The following MLYCD variants were observed in gnomAD, a reference collection of about 807,000 sequenced individuals.
MLYCD encodes malonyl-CoA decarboxylase, mitochondrial.
MLYCD carries 27 observed loss-of-function variants against 35.8 expected under a neutral mutation model. That is an observed-to-expected ratio of 0.75 (90% CI 0.56 to 1.04). MLYCD has a LOEUF of 1.04. Ranked by LOEUF, MLYCD falls within the 50% of genes least tolerant of loss-of-function variation. The pLI is 0.00. For missense variants in MLYCD, 917 were observed against 665.1 expected, an observed-to-expected ratio of 1.38 and a Z score of -4.17; for synonymous variants, 403 against 302.4, an observed-to-expected ratio of 1.33 and a Z score of -3.45.
chr16:83,914,525 CGGTT>C, intron 4 of MLYCD: 1 of 292,046 alleles, frequency 3.4e-6, no homozygotes, highest in Non-Finnish European at 6.7e-6. Flanking sequence ...ACTCTAGTCT[CGGTT>C]TTGCCGACAT....
chr16:83,899,264 G>A lies in MLYCD; in HGVS notation c.120G>A (p.Met40Ile). The change falls in exon 1 of 5, where the codon ATG becomes ATA. Residue 40 changes from methionine to isoleucine, a missense_variant. Coordinates refer to ENST00000262430, the MANE Select transcript of MLYCD (RefSeq NM_012213.3). ...CGGCCGGCGCCCTGGAGCGGGCCAT[G>A]GACGAGCTGCTGCGCCGCGCGGTGC... The part of the protein sequence containing the change: ...GQAAGALERA[M>I]DELLRRAVPP... 2 of 1,449,164 alleles carry A rather than the reference G, an allele frequency of 1.4e-6. No homozygotes were observed. Among genetic ancestry groups the A allele is most frequent in the Non-Finnish European group, 1.8e-6 (2 of 1,104,908 alleles). 89.8% of individuals were successfully genotyped at this position (1,449,164 alleles called of 1,614,324 possible). A position where few individuals can be genotyped will look rare whatever the true frequency, so the allele number is the denominator to read the frequency against.
rs894995223 is a variant in MLYCD, at chr16:83,923,073, G to C, written c.*7584G>C. ...CACTCTGAGGCCTCTCTGTCTCTCT[G>C]TGTCTTTCTCTTTCTACCCTCTCCA... On this transcript the variant is annotated 3_prime_UTR_variant, in exon 5 of 5. Coordinates refer to ENST00000262430, the MANE Select transcript of MLYCD (RefSeq NM_012213.3). 6.6e-6 allele frequency: 1 copy of C among 152,262 alleles called. No homozygotes were observed. The highest frequency in any genetic ancestry group is 6.5e-5 in the Admixed American group (1 of 15,278). 9.4% of individuals were successfully genotyped at this position (152,262 alleles called of 1,614,324 possible). A position where few individuals can be genotyped will look rare whatever the true frequency, so the allele number is the denominator to read the frequency against.
intron 1 of MLYCD, among the ~76,000 whole-genome samples, 196 bp downstream of exon 1, chr16:83,899,868 G>T (rs1906721943): frequency 6.6e-6 from 1 of 152,164 alleles, no homozygotes; most frequent in Non-Finnish European, 1.5e-5. Context: ...GCACACCCCC[G>T]CCTTCCTCCA....
rs104894528 is a variant in MLYCD, at chr16:83,907,018, C to T, written c.560C>T (p.Ser187Leu). The stretch of plus-strand genomic sequence containing the variant: ...AATGGGGTGCTGAAAGGAATGCTCT[C>T]AGAATGGTTTTCCTCCGGGTTCCTG... ...EMNGVLKGML[S>L]EWFSSGFLNL... The change falls in exon 2 of 5, where the codon TCA becomes TTA. Residue 187 changes from serine (S) to leucine (L), a missense_variant. Coordinates refer to ENST00000262430, the MANE Select transcript of MLYCD (RefSeq NM_012213.3). 1.2e-6 allele frequency: 2 copies of T among 1,614,146 alleles called. No individual in the cohort carries two copies. The highest frequency in any genetic ancestry group is 2.2e-5 in the South Asian group (2 of 91,078).
At chr16:83,905,661 C>T (rs915638092) in intron 1 of MLYCD, among the ~76,000 whole-genome samples, 1 of 152,228 alleles carries the variant, frequency 6.6e-6, no homozygotes, top group Non-Finnish European at 1.5e-5. Flanking sequence ...CAAGGGCCTG[C>T]TCCTGCTGTC....
In MLYCD at chr16:83,915,623, C is replaced by T; in HGVS notation, c.*134C>T. ...CTGTGTTCTTGTCCCGCAGCCGGTC[C>T]ACACTGTGAGGCCAGGCCTCAACTT... is the stretch of plus-strand genomic sequence containing the variant. On this transcript the variant is annotated 3_prime_UTR_variant, in exon 5 of 5. Coordinates refer to ENST00000262430, the MANE Select transcript of MLYCD (RefSeq NM_012213.3). The T allele has an allele frequency of 1.3e-6, 2 of 1,526,636 alleles. No homozygotes were observed. Among genetic ancestry groups the T allele is most frequent in the Non-Finnish European group, 1.8e-6 (2 of 1,142,078 alleles). The allele number at this position is 1,526,636 out of a possible 1,614,324, so 94.6% of individuals were successfully genotyped here. A position where few individuals can be genotyped will look rare whatever the true frequency, so the allele number is the denominator to read the frequency against.
rs998205793 is a variant in MLYCD, at chr16:83,924,443, C to A, written c.*8954C>A. On this transcript the variant is annotated 3_prime_UTR_variant, in exon 5 of 5. Transcript: ENST00000262430. The stretch of plus-strand genomic sequence containing the variant: ...GCAGGAGCGCTTGCTTCTGAAGCTC[C>A]CGTGCGTCTGTGACAGAGGCTTGAA... 6.6e-6 allele frequency: 1 copy of A among 152,194 alleles called. No individual in the cohort carries two copies. The allele number at this position is 152,194 out of a possible 1,614,324, so 9.4% of individuals were successfully genotyped here.
chr16:83,904,228 G>A (rs376180794), intron 1 of MLYCD, among the ~76,000 whole-genome samples: 24 of 152,156 alleles, frequency 1.6e-4, no homozygotes, highest in African/African-American at 4.6e-4. Context: ...TACCTCTTAC[G>A]CAGAGCTCAG....
chr16:83,912,880 C>G (rs1463370996), intron 4 of MLYCD: 1 of 200,198 alleles, frequency 5.0e-6, no homozygotes, highest in Non-Finnish European at 1.0e-5. Flanking sequence ...AAGGTAAATG[C>G]ATCGGCTTTT....
chr16:83,916,049 AG>A lies in MLYCD; in HGVS notation c.*561del. On this transcript the variant is annotated 3_prime_UTR_variant, in exon 5 of 5. Coordinates refer to ENST00000262430, the MANE Select transcript of MLYCD (RefSeq NM_012213.3). ...TTGTGATTTTGCACAAGGTGTGTGT[AG>A]TAAGTTAAATTGTTGAACACAAAAA... The A allele has an allele frequency of 4.0e-6, 4 of 1,000,842 alleles. No individual in the cohort carries two copies. The highest frequency in any genetic ancestry group is 4.8e-6 in the Non-Finnish European group (4 of 837,626). 62.0% of individuals were successfully genotyped at this position (1,000,842 alleles called of 1,614,324 possible). A position where few individuals can be genotyped will look rare whatever the true frequency, so the allele number is the denominator to read the frequency against.
rs1375643849 is a variant in MLYCD, at chr16:83,922,455, C to T, written c.*6966C>T. The T allele has an allele frequency of 6.6e-6, 1 of 152,294 alleles. No individual in the cohort carries two copies. The highest frequency in any genetic ancestry group is 1.5e-5 in the Non-Finnish European group (1 of 68,114). The allele number at this position is 152,294 out of a possible 1,614,324, so 9.4% of individuals were successfully genotyped here. ...ACCTGCTCTCACCTGTTCATGGGCT[C>T]CTTTTTCTTCTGAAATGCAGCGTGA... On this transcript the variant is annotated 3_prime_UTR_variant, in exon 5 of 5. Coordinates refer to ENST00000262430, the MANE Select transcript of MLYCD (RefSeq NM_012213.3).
At chr16:83,908,531 A>T (rs977697317) in intron 3 of MLYCD, among the ~76,000 whole-genome samples, 1 of 152,214 alleles carries the variant, frequency 6.6e-6, no homozygotes. Flanking sequence ...GTTGAGATAC[A>T]GTTAAAGTCT....
rs1346042710 is a variant in MLYCD, at chr16:83,922,229, G to GTCCCA, written c.*6743_*6747dup. ...CCTGTGCTTCCGGAGCCCGCGTCCC[G>GTCCCA]TCCCATCTCAGGAGCTACTCTGCTC... On this transcript the variant is annotated 3_prime_UTR_variant, in exon 5 of 5. Coordinates refer to ENST00000262430, the MANE Select transcript of MLYCD (RefSeq NM_012213.3). 2 of 151,076 alleles carry GTCCCA rather than the reference G, an allele frequency of 1.3e-5. No homozygotes were observed. The highest frequency in any genetic ancestry group is 2.9e-5 in the Non-Finnish European group (2 of 67,916). The allele number at this position is 151,076 out of a possible 1,614,324, so 9.4% of individuals were successfully genotyped here. A position where few individuals can be genotyped will look rare whatever the true frequency, so the allele number is the denominator to read the frequency against.
Position 83,899,470 on chromosome 16 carries a change from T to A in MLYCD, c.326T>A (p.Val109Glu), listed in dbSNP as rs758415087. The part of the protein sequence containing the change: ...HGQVAEQSAG[V>E]LHLRQQQREA... Reference sequence around the variant, plus strand: ...CAGGTGGCGGAGCAGAGCGCCGGCGTGCTCCATCTGCGCCAGCAGCAGCGG... The same window carrying A: ...CAGGTGGCGGAGCAGAGCGCCGGCGAGCTCCATCTGCGCCAGCAGCAGCGG... The change falls in exon 1 of 5, where the codon GTG (valine) becomes GAG (glutamate). Residue 109 changes from valine to glutamate, a missense_variant. By Grantham distance (121) the Val-to-Glu change is moderately radical. Transcript: ENST00000262430. 1.9e-5 allele frequency: 29 copies of A among 1,550,018 alleles called. No individual in the cohort carries two copies. Among genetic ancestry groups the A allele is most frequent in the Non-Finnish European group, 2.4e-5 (28 of 1,158,524 alleles).
At chr16:83,903,180 G>C (rs866790671) in intron 1 of MLYCD, among the ~76,000 whole-genome samples, 2 of 152,142 alleles carry the variant, frequency 1.3e-5, no homozygotes, top group African/African-American at 4.8e-5. Context: ...TGCTGTTAGG[G>C]TGGAATGAGA....
chr16:83,915,280 CA>C lies in MLYCD; in HGVS notation c.1274del (p.Gln425ArgfsTer15). ...GAACCCCGTGGCCAACTTCCACCTG[CA>C]GAACGGGGCGGTGCTGTGGCGCATC... is the stretch of plus-strand genomic sequence containing the variant. ...ALNPVANFHL[Q>X]NGAVLWRINW... is the part of the protein sequence containing the mutation. On this transcript the variant is annotated frameshift_variant, in exon 5 of 5. Coordinates refer to ENST00000262430, the MANE Select transcript of MLYCD (RefSeq NM_012213.3). LOFTEE classifies it high-confidence loss of function. 1 of 1,612,314 alleles carries C rather than the reference CA, an allele frequency of 6.2e-7. No individual in the cohort carries two copies. The highest frequency in any genetic ancestry group is 8.5e-7 in the Non-Finnish European group (1 of 1,178,512).
At chr16:83,901,208 T>C (rs887334756) in intron 1 of MLYCD, among the ~76,000 whole-genome samples, 5 of 152,206 alleles carry the variant, frequency 3.3e-5, no homozygotes, top group African/African-American at 9.7e-5. Context: ...ATTCTTACTG[T>C]GTTGAATTAT....
rs919331084 is a variant in MLYCD, at chr16:83,923,219, CAG to C, written c.*7731_*7732del. The C allele has an allele frequency of 7.2e-5, 11 of 152,392 alleles. No individual in the cohort carries two copies. The highest frequency in any genetic ancestry group is 2.6e-4 in the African/African-American group (11 of 41,584). 9.4% of individuals were successfully genotyped at this position (152,392 alleles called of 1,614,324 possible). A position where few individuals can be genotyped will look rare whatever the true frequency, so the allele number is the denominator to read the frequency against. The stretch of plus-strand genomic sequence containing the variant: ...TGTGGCCTCAGAAGTGAGGGAATCT[CAG>C]TGCTCTGTGCAGGCATGTGCTTATT... On this transcript the variant is annotated 3_prime_UTR_variant, in exon 5 of 5. Transcript: ENST00000262430.
At position 83,924,688 on chromosome 16, in the gene MLYCD, T is replaced by G. The variant is rs925870555; in HGVS notation, c.*9199T>G. On this transcript the variant is annotated 3_prime_UTR_variant, in exon 5 of 5. Coordinates refer to ENST00000262430, the MANE Select transcript of MLYCD (RefSeq NM_012213.3). ...CAAAGATGCCAGAGCCATGTTTATT[T>G]AAGCGGCGCTGCTCCAGAGAGAACT... is the stretch of plus-strand genomic sequence containing the variant. The G allele has an allele frequency of 6.6e-6, 1 of 152,174 alleles. No individual in the cohort carries two copies. The highest frequency in any genetic ancestry group is 2.4e-5 in the African/African-American group (1 of 41,432). 9.4% of individuals were successfully genotyped at this position (152,174 alleles called of 1,614,324 possible).
Sources: allele counts gnomAD v4.1 joint callset (sites outside exome capture counted in the v4.1 genomes callset), GRCh38; gene constraint gnomAD v4.1.1; transcripts MANE v1.5; gene names NCBI Gene and HGNC (gene_info 2026-07-23, HGNC 2026-07-21).